Variants in ANKHD1 observed in about 807,000 individuals in gnomAD.
The protein encoded by ANKHD1 is ankyrin repeat and KH domain containing 1.
Under a neutral mutation model 230.5 loss-of-function variants are expected in ANKHD1, and 31 were observed. That is an observed-to-expected ratio of 0.13 (90% CI 0.10 to 0.18). ANKHD1 has a LOEUF of 0.18. ANKHD1 is among the 10% of genes least tolerant of loss of function. The pLI, the probability that ANKHD1 is intolerant of heterozygous loss-of-function variation, is 1.00. For synonymous variants in ANKHD1, 1,074 were observed against 1,117.6 expected (o/e 0.96, Z 0.78); for missense variants, 2,256 against 3,071.3 (o/e 0.73, Z 6.27).
At position 140,499,163 on chromosome 5, in the gene ANKHD1, A is replaced by G. The variant is rs200278416; in HGVS notation, c.3004+1885A>G. ...ATTTTTGTGAAGGCTATGTGTTTTG[A>G]ACTATATGGCAGTAATTATATTTTC... On this transcript the variant is annotated intron_variant, in intron 15 of 33. Coordinates refer to ENST00000360839, the MANE Select transcript of ANKHD1 (RefSeq NM_017747.3). 1.8e-4 allele frequency among the ~76,000 whole-genome samples: 27 copies of G among 152,136 alleles called. No homozygotes were observed. In the East Asian group the frequency reaches 5.0e-3, roughly 28 times the overall value.
chr5:140,512,438 C>T (rs1412090485), intron 22 of ANKHD1, among the ~76,000 whole-genome samples: 1 of 151,916 alleles, frequency 6.6e-6, no homozygotes, highest in Non-Finnish European at 1.5e-5. Context: ...GACTCATTTC[C>T]CTTTTACACT....
intron 5 of ANKHD1, among the ~76,000 whole-genome samples, chr5:140,442,030 A>ATTTTTTTTTTT (rs1561726990): frequency 2.2e-5 from 3 of 134,528 alleles, no homozygotes; most frequent in African/African-American, 8.5e-5. Flanking sequence ...CTAATAAGAT[A>ATTTTTTTTTTT]TTCTTTTTTT....
Position 140,528,198 on chromosome 5 carries a change from C to A in ANKHD1, c.5252C>A (p.Ser1751Ter). ...RMITIRGGTE[S>*]TRYAVQLINA... ...TTTTCCCTTAGGGGTGGCACAGAATCAACAAGATATGCAGTTCAACTAATC... is the reference window on the plus strand; with the variant it reads ...TTTTCCCTTAGGGGTGGCACAGAATAAACAAGATATGCAGTTCAACTAATC... Residue 1751 changes from serine to a stop codon, truncating the protein, a stop_gained, in exon 29 of 34, where the codon TCA becomes TAA. Transcript: ENST00000360839. LOFTEE classifies it high-confidence loss of function. 6.3e-7 allele frequency: 1 copy of A among 1,595,778 alleles called. No homozygotes were observed. The highest frequency in any genetic ancestry group is 1.1e-5 in the South Asian group (1 of 89,938).
At position 140,485,760 on chromosome 5, in the gene ANKHD1, A is replaced by G. The variant is rs367630198; in HGVS notation, c.2142+28A>G. 18 of 1,606,124 alleles carry G rather than the reference A, an allele frequency of 1.1e-5. No homozygotes were observed. The highest frequency in any genetic ancestry group is 1.4e-5 in the Non-Finnish European group (17 of 1,178,408). Reference sequence around the variant, plus strand: ...AAAGTAAAATGGAGCTTGTTTGTTAATATAAATATTCTTCAACATGATTAG... The same window carrying G: ...AAAGTAAAATGGAGCTTGTTTGTTAGTATAAATATTCTTCAACATGATTAG... On this transcript the variant is annotated intron_variant, in intron 13 of 33. Transcript: ENST00000360839. The surrounding 1 kb of genome is among the most constrained non-coding windows in gnomAD (Gnocchi z 4.8).
Position 140,504,958 on chromosome 5 carries a change from G to A in ANKHD1, c.3142G>A (p.Asp1048Asn). The change falls in exon 16 of 34, where the codon GAT becomes AAT. Residue 1048 changes from aspartate (D) to asparagine (N), a missense_variant. Physicochemically the swap from Asp to Asn is conservative, Grantham distance 23. Coordinates refer to ENST00000360839, the MANE Select transcript of ANKHD1 (RefSeq NM_017747.3). Reference protein sequence around the residue: ...MPPVYPSVDIDAHTESNHDTA... With the variant: ...MPPVYPSVDINAHTESNHDTA... ...TCCTGTGTATCCTTCAGTTGACATT[G>A]ATGCACATGTGAGTAGATTGCTTTA... The A allele has an allele frequency of 6.2e-7, 1 of 1,613,898 alleles. No homozygotes were observed. Among genetic ancestry groups the A allele is most frequent in the Non-Finnish European group, 8.5e-7 (1 of 1,179,950 alleles).
intron 1 of ANKHD1, among the ~76,000 whole-genome samples, chr5:140,403,993 C>G (rs925130720): frequency 6.6e-6 from 1 of 152,062 alleles, no homozygotes; most frequent in Non-Finnish European, 1.5e-5. Context: ...TAACATTTTG[C>G]TTTGGAAAAA....
chr5:140,477,837 C>T (rs1193784489), intron 10 of ANKHD1, among the ~76,000 whole-genome samples: 2 of 152,086 alleles, frequency 1.3e-5, no homozygotes, highest in Non-Finnish European at 2.9e-5. Context: ...GTCTTGAACT[C>T]GTGACCTTGT....
intron 1 of ANKHD1, among the ~76,000 whole-genome samples, chr5:140,428,931 C>T (rs112488795): frequency 1.3e-4 from 20 of 150,016 alleles, no homozygotes; most frequent in African/African-American, 4.9e-4. Context: ...TACAGGCATG[C>T]ACCATGAGGT....
chr5:140,462,424 AATC>A (rs1775767536), intron 9 of ANKHD1, among the ~76,000 whole-genome samples: 1 of 152,120 alleles, frequency 6.6e-6, no homozygotes, highest in African/African-American at 2.4e-5. Context: ...ATTAAATACA[AATC>A]ATCATATAAA....
intron 1 of ANKHD1, among the ~76,000 whole-genome samples, chr5:140,406,291 G>C (rs1340519944): frequency 6.6e-6 from 1 of 151,756 alleles, no homozygotes; most frequent in African/African-American, 2.4e-5. Flanking sequence ...CATCCAAAAA[G>C]ATGATGAATT....
rs1581358443 is a variant in ANKHD1, at chr5:140,512,882, G to A, written c.4159G>A (p.Asp1387Asn). The A allele has an allele frequency of 6.2e-7, 1 of 1,602,260 alleles. No individual in the cohort carries two copies. Among genetic ancestry groups the A allele is most frequent in the Non-Finnish European group, 8.5e-7 (1 of 1,176,054 alleles). The change falls in exon 23 of 34, where the codon GAT becomes AAT. Residue 1387 changes from aspartate to asparagine, a missense_variant. Transcript: ENST00000360839. The part of the protein sequence containing the change: ...LVKEVNQFPS[D>N]IECMRYIATI... ...AAAGGAAGTAAATCAGTTCCCTTCT[G>A]ATATAGAATGCATGAGATACATAGC... is the stretch of plus-strand genomic sequence containing the variant.
chr5:140,504,769 A>G, intron 15 of ANKHD1, 52 bp from the exon 16 acceptor site: 1 of 1,584,606 alleles, frequency 6.3e-7, no homozygotes, highest in Non-Finnish European at 8.6e-7. Flanking sequence ...TCTATGTACA[A>G]ATAACCTTAC....
chr5:140,480,864 C>T (rs1751242236), intron 10 of ANKHD1, among the ~76,000 whole-genome samples: 1 of 152,070 alleles, frequency 6.6e-6, no homozygotes, highest in African/African-American at 2.4e-5. Context: ...TCTCATGGAG[C>T]TTACCGTTTA....
chr5:140,510,247 GAT>G lies in ANKHD1; in HGVS notation c.4104+68_4104+69del, dbSNP rs892511144. The G allele has an allele frequency of 3.5e-6, 5 of 1,411,462 alleles. No individual in the cohort carries two copies. In the African/African-American group the frequency reaches 7.3e-5, roughly 20 times the overall value. 87.4% of individuals were successfully genotyped at this position (1,411,462 alleles called of 1,614,324 possible). A position where few individuals can be genotyped will look rare whatever the true frequency, so the allele number is the denominator to read the frequency against. On this transcript the variant is annotated intron_variant, in intron 22 of 33. Transcript: ENST00000360839. ...TTCTAAGTTAAAACCATGTGAGAAA[GAT>G]AAGTTTATCTTGGAGAATTGAGTAT...
chr5:140,470,611 CTTTTTT>C (rs386405120), intron 10 of ANKHD1, among the ~76,000 whole-genome samples: 10 of 71,772 alleles, frequency 1.4e-4, no homozygotes, highest in East Asian at 4.6e-4. Flanking sequence ...CTTGTTTCTG[CTTTTTT>C]TTTTTTTTTT....
intron 24 of ANKHD1, among the ~76,000 whole-genome samples, chr5:140,516,444 C>T (rs548592514): frequency 4.6e-5 from 7 of 152,166 alleles, no homozygotes; most frequent in South Asian, 4.2e-4. Flanking sequence ...ATACAGAGAA[C>T]GCCACAAAGA....
intron 10 of ANKHD1, among the ~76,000 whole-genome samples, chr5:140,470,733 C>T (rs1776435370): frequency 6.6e-6 from 1 of 151,172 alleles, no homozygotes; most frequent in Non-Finnish European, 1.5e-5. Context: ...AAGCAATCCT[C>T]CACTTCAGCC....
chr5:140,417,427 A>T (rs1010947115), intron 1 of ANKHD1, among the ~76,000 whole-genome samples: 10 of 151,658 alleles, frequency 6.6e-5, no homozygotes, highest in Admixed American at 3.9e-4. Context: ...TTTAATTAAA[A>T]AATTTTTTAA....
At chr5:140,406,161 C>G (rs1213514048) in intron 1 of ANKHD1, among the ~76,000 whole-genome samples, 1 of 151,632 alleles carries the variant, frequency 6.6e-6, no homozygotes, top group Non-Finnish European at 1.5e-5. Flanking sequence ...TCGCTTGAAC[C>G]CAGGAGGCAG....
Sources: gnomAD v4.1 joint callset for allele counts (sites outside exome capture counted in the v4.1 genomes callset) on GRCh38, gnomAD v4.1.1 for gene constraint, Gnocchi (gnomAD v3.1) non-coding constraint, MANE v1.5 for transcripts, NCBI Gene and HGNC (gene_info 2026-07-23, HGNC 2026-07-21) for gene names.